Variants in EPS8 observed in about 807,000 individuals in gnomAD.
EPS8 encodes EGFR pathway substrate 8, signaling adaptor.
Under a neutral mutation model 103.8 loss-of-function variants are expected in EPS8, and 42 were observed. The observed-to-expected ratio is 0.40, with a 90% confidence interval of 0.32 to 0.52. EPS8 has a LOEUF of 0.52. EPS8 is among the 20% of genes least tolerant of loss of function. The pLI is 0.40. For synonymous variants in EPS8, 344 were observed against 344.6 expected (o/e 1.00, Z 0.02); for missense variants, 969 against 1,005.1 (o/e 0.96, Z 0.49).
intron 12 of EPS8, among the ~76,000 whole-genome samples, chr12:15,656,537 T>C (rs1945510623): frequency 6.6e-6 from 1 of 152,174 alleles, no homozygotes; most frequent in Non-Finnish European, 1.5e-5. Context: ...CATATTCTAA[T>C]TCAGGTCTTG....
At chr12:15,628,848 G>T (rs1591800675) in intron 18 of EPS8, among the ~76,000 whole-genome samples, 1 of 152,160 alleles carries the variant, frequency 6.6e-6, no homozygotes, top group South Asian at 2.1e-4. Context: ...TATTTTGAGA[G>T]AAATTTGGCT....
At position 15,701,450 on chromosome 12, in the gene EPS8, A is replaced by G. The variant is rs1009062076; in HGVS notation, c.-21-18478T>C. ...CTGTATGTGTGACTCATCCCCCTTT[A>G]GAATACTTGATAGTAACTTAAACAC... On this transcript the variant is annotated intron_variant, in intron 1 of 20. Transcript: ENST00000281172. The surrounding 1 kb of genome is among the most constrained non-coding windows in gnomAD (Gnocchi z 5.1). Among the ~76,000 whole-genome samples the G allele has an allele frequency of 6.6e-6, 1 of 152,196 alleles. No individual in the cohort carries two copies. Among genetic ancestry groups the G allele is most frequent in the African/African-American group, 2.4e-5 (1 of 41,448 alleles).
intron 1 of EPS8, among the ~76,000 whole-genome samples, chr12:15,732,324 T>C (rs1235206510): frequency 6.6e-6 from 1 of 152,190 alleles, no homozygotes; most frequent in Non-Finnish European, 1.5e-5. Flanking sequence ...CTTTAGGTTT[T>C]CCCACATAAT....
At chr12:15,674,091 T>C (rs1945861994) in intron 3 of EPS8, among the ~76,000 whole-genome samples, 1 of 152,238 alleles carries the variant, frequency 6.6e-6, no homozygotes, top group Non-Finnish European at 1.5e-5. Context: ...TTAGGTTTCA[T>C]TTAATTTGTT....
rs1947046579 is a variant in EPS8, at chr12:15,761,944, T to C, written c.-22+27217A>G. On this transcript the variant is annotated intron_variant, in intron 1 of 20. Coordinates refer to ENST00000281172, the MANE Select transcript of EPS8 (RefSeq NM_004447.6). This position sits in a 1 kb window ranked among gnomAD's most constrained non-coding sequence, Gnocchi z 4.5. ...ACGAAAAGGGACAAATGGGATCATA[T>C]CAAGTTAAAAACCTTCTGAATAGCA... Among the ~76,000 whole-genome samples the C allele has an allele frequency of 6.6e-6, 1 of 152,044 alleles. No individual in the cohort carries two copies.
chr12:15,631,372 G>A, intron 18 of EPS8, 70 bp downstream of exon 18: 1 of 1,595,072 alleles, frequency 6.3e-7, no homozygotes. Context: ...AGAATCAGCA[G>A]TAAACAATAT....
At chr12:15,640,892 A>G (rs772386797) in intron 16 of EPS8, 46 bp from the exon 17 acceptor site, 2 of 1,583,232 alleles carry the variant, frequency 1.3e-6, no homozygotes, top group Non-Finnish European at 8.6e-7. Flanking sequence ...TATAAAAGCC[A>G]TTCTACGAAA....
At chr12:15,715,677 C>T (rs1240022091) in intron 1 of EPS8, among the ~76,000 whole-genome samples, 9 of 151,270 alleles carry the variant, frequency 5.9e-5, no homozygotes, top group Non-Finnish European at 1.0e-4. Flanking sequence ...TTAATAGAGA[C>T]AGGGTTTCAC....
At chr12:15,632,372 A>G (rs1035490084) in intron 17 of EPS8, among the ~76,000 whole-genome samples, 3 of 152,228 alleles carry the variant, frequency 2.0e-5, no homozygotes, top group Non-Finnish European at 4.4e-5. Context: ...TTTTAAAATC[A>G]TGATTGTTAG....
chr12:15,661,664 T>G (rs1945607593), intron 9 of EPS8, among the ~76,000 whole-genome samples: 1 of 152,192 alleles, frequency 6.6e-6, no homozygotes, highest in Admixed American at 6.5e-5. Flanking sequence ...AAATACATTG[T>G]TAATAAATGC....
chr12:15,754,601 G>T (rs1436566794), intron 1 of EPS8, among the ~76,000 whole-genome samples: 2 of 152,176 alleles, frequency 1.3e-5, no homozygotes, highest in East Asian at 3.8e-4. Flanking sequence ...TAGATAAAGA[G>T]ATCCAGAGAA....
chr12:15,773,234 A>T (rs74063371), intron 1 of EPS8, among the ~76,000 whole-genome samples: 616 of 152,342 alleles, frequency 4.0e-3, no homozygotes, highest in African/African-American at 0.014. Flanking sequence ...AGAGAGAAGA[A>T]TCACATTTTA....
At chr12:15,670,555 G>A (rs1161516009) in intron 4 of EPS8, among the ~76,000 whole-genome samples, 1 of 152,032 alleles carries the variant, frequency 6.6e-6, no homozygotes, top group Admixed American at 6.6e-5. Flanking sequence ...AACTAGCAAA[G>A]GCTTAATTTC....
intron 1 of EPS8, among the ~76,000 whole-genome samples, chr12:15,718,877 A>C (rs1385681491): frequency 6.6e-6 from 1 of 152,150 alleles, no homozygotes; most frequent in Non-Finnish European, 1.5e-5. Context: ...ATTTAGAGAA[A>C]AAAAAAGGCA....
chr12:15,633,568 A>G (rs1945085580), intron 17 of EPS8, among the ~76,000 whole-genome samples: 1 of 152,226 alleles, frequency 6.6e-6, no homozygotes, highest in South Asian at 2.1e-4. Flanking sequence ...CAAACTCACC[A>G]AATGTTCTGT....
At position 15,621,494 on chromosome 12, in the gene EPS8, A is replaced by G. The variant is rs537379127; in HGVS notation, c.2356-64T>C. 6.2e-5 allele frequency: 53 copies of G among 855,092 alleles called. No individual in the cohort carries two copies. The East Asian group carries it at 1.5e-3, about 24-fold the overall frequency. The allele number at this position is 855,092 out of a possible 1,614,324, so 53.0% of individuals were successfully genotyped here. A position where few individuals can be genotyped will look rare whatever the true frequency, so the allele number is the denominator to read the frequency against. ...TGTGCAGGCTGCAGGTCATATCATGAAATGGCTCAGGATAAAATTCTACTG... is the reference window on the plus strand; with the variant it reads ...TGTGCAGGCTGCAGGTCATATCATGGAATGGCTCAGGATAAAATTCTACTG... On this transcript the variant is annotated intron_variant, in intron 20 of 20. Transcript: ENST00000281172.
At chr12:15,783,354 C>G (rs886992455) in intron 1 of EPS8, among the ~76,000 whole-genome samples, 1 of 152,108 alleles carries the variant, frequency 6.6e-6, no homozygotes, top group African/African-American at 2.4e-5. Flanking sequence ...GGCTTCCAGT[C>G]AACAGAAGGG....
At chr12:15,740,545 G>A (rs1296510976) in intron 1 of EPS8, among the ~76,000 whole-genome samples, 4 of 149,216 alleles carry the variant, frequency 2.7e-5, no homozygotes, top group Admixed American at 1.3e-4. Flanking sequence ...ACTCCATCTA[G>A]AAAAAATAAA....
intron 1 of EPS8, among the ~76,000 whole-genome samples, chr12:15,705,340 C>A (rs1449022408): frequency 6.6e-6 from 1 of 152,152 alleles, no homozygotes; most frequent in Non-Finnish European, 1.5e-5. Flanking sequence ...TATATTGTTT[C>A]ATGAACACAT....
Sources: allele counts gnomAD v4.1 joint callset (sites outside exome capture counted in the v4.1 genomes callset), GRCh38; gene constraint gnomAD v4.1.1; non-coding constraint Gnocchi (gnomAD v3.1); transcripts MANE v1.5; gene names NCBI Gene and HGNC (gene_info 2026-07-23, HGNC 2026-07-21).